Variants in PLPPR1 observed in about 807,000 individuals in gnomAD.
PLPPR1 encodes phospholipid phosphatase-related protein type 1.
In PLPPR1, 10 loss-of-function variants were observed where a neutral mutation model predicts 33.1. That is an observed-to-expected ratio of 0.30 (90% CI 0.19 to 0.51). The LOEUF is 0.51. Ranked by LOEUF, PLPPR1 falls within the 20% of genes least tolerant of loss-of-function variation. The pLI is 0.97. For synonymous variants in PLPPR1, 151 were observed against 151.0 expected (o/e 1.00, Z 0.00); for missense variants, 304 against 408.1 (o/e 0.74, Z 2.20).
rs1225865122 is a variant in PLPPR1, at chr9:101,324,406, C to T, written c.*349C>T. The T allele has an allele frequency of 5.4e-6, 1 of 185,030 alleles. No individual in the cohort carries two copies. The highest frequency in any genetic ancestry group is 1.3e-4 in the East Asian group (1 of 7,644). The allele number at this position is 185,030 out of a possible 1,614,324, so 11.5% of individuals were successfully genotyped here. ...TATAAACACAGAATATAACAATTCA[C>T]TTTAAACTTTTATTACCACAGTTGC... is the stretch of plus-strand genomic sequence containing the variant. On this transcript the variant is annotated 3_prime_UTR_variant, in exon 8 of 8. Coordinates refer to ENST00000374874, the MANE Select transcript of PLPPR1 (RefSeq NM_207299.2).
chr9:101,318,879 A>C (rs1390643727), intron 7 of PLPPR1, among the ~76,000 whole-genome samples: 2 of 152,146 alleles, frequency 1.3e-5, no homozygotes, highest in Non-Finnish European at 2.9e-5. Context: ...GATGAGTAGG[A>C]GTTCTTTAAG....
At chr9:101,241,956 T>C (rs1827478589) in intron 2 of PLPPR1, among the ~76,000 whole-genome samples, 2 of 152,088 alleles carry the variant, frequency 1.3e-5, no homozygotes, top group African/African-American at 4.8e-5. Context: ...TGCACAGAAA[T>C]TTGTGGATCA....
chr9:101,112,261 A>G (rs1171766779), intron 1 of PLPPR1, among the ~76,000 whole-genome samples: 4 of 152,214 alleles, frequency 2.6e-5, no homozygotes, highest in Non-Finnish European at 4.4e-5. Flanking sequence ...GCACATACAT[A>G]TATGTATTTA....
chr9:101,115,455 A>T (rs1831106988), intron 1 of PLPPR1, among the ~76,000 whole-genome samples: 1 of 152,252 alleles, frequency 6.6e-6, no homozygotes, highest in Non-Finnish European at 1.5e-5. Context: ...TAGTCTTATC[A>T]TACTTTTGGG....
chr9:101,261,642 T>C (rs1827900917), intron 2 of PLPPR1, among the ~76,000 whole-genome samples: 3 of 152,126 alleles, frequency 2.0e-5, no homozygotes, highest in Non-Finnish European at 2.9e-5. Context: ...GTGGAACACA[T>C]ACACCATGGA....
intron 2 of PLPPR1, among the ~76,000 whole-genome samples, chr9:101,196,419 A>T (rs1240122854): frequency 6.6e-6 from 1 of 152,236 alleles, no homozygotes; most frequent in African/African-American, 2.4e-5. Context: ...TACAGAAATA[A>T]TCATGAATAT....
rs1214659149 is a variant in PLPPR1 at position 101,291,228 on chromosome 9, G to C, written c.385+4992G>C. ...GATCAAACTGCAAGGTGGCAGCAAG[G>C]CTGGGGGAGGGGCGCCCGCCATTGC... On this transcript the variant is annotated intron_variant, in intron 4 of 7. Transcript: ENST00000374874. 3.3e-5 allele frequency among the ~76,000 whole-genome samples: 5 copies of C among 152,346 alleles called. No individual in the cohort carries two copies. In the South Asian group the frequency reaches 8.3e-4, roughly 25 times the overall value.
chr9:101,274,606 A>AG (rs1323579091), intron 3 of PLPPR1, among the ~76,000 whole-genome samples: 1 of 152,220 alleles, frequency 6.6e-6, no homozygotes, highest in Non-Finnish European at 1.5e-5. Flanking sequence ...GATAATGCTC[A>AG]GGGAAGTTTC....
chr9:101,170,180 G>A (rs1357854233), intron 1 of PLPPR1, among the ~76,000 whole-genome samples: 1 of 152,048 alleles, frequency 6.6e-6, no homozygotes, highest in Non-Finnish European at 1.5e-5. Flanking sequence ...GGCTCATGGA[G>A]CAAAGTTGAC....
At chr9:101,316,439 A>G (rs1429620916) in intron 6 of PLPPR1, among the ~76,000 whole-genome samples, 1 of 151,892 alleles carries the variant, frequency 6.6e-6, no homozygotes, top group Non-Finnish European at 1.5e-5. Flanking sequence ...TCTGTCTCAA[A>G]AAAAAAGAAA....
In PLPPR1 at chr9:101,207,088, ATTATC is replaced by A. The variant is rs1826602025; in HGVS notation, c.63+21535_63+21539del. Among the ~76,000 whole-genome samples, 3 of 152,132 alleles carry A rather than the reference ATTATC, an allele frequency of 2.0e-5. No individual in the cohort carries two copies. The South Asian group carries it at 6.2e-4, about 31-fold the overall frequency. ...CAGATTGTACCTTTTATAATTTATAATTATCTTAATTTTTATTTGCCTACTTTTTT... is the reference window on the plus strand; with the variant it reads ...CAGATTGTACCTTTTATAATTTATAATTAATTTTTATTTGCCTACTTTTTT... On this transcript the variant is annotated intron_variant, in intron 2 of 7. Coordinates refer to ENST00000374874, the MANE Select transcript of PLPPR1 (RefSeq NM_207299.2).
At chr9:101,075,764 G>A (rs758933136) in intron 1 of PLPPR1, among the ~76,000 whole-genome samples, 13 of 152,284 alleles carry the variant, frequency 8.5e-5, no homozygotes, top group East Asian at 7.7e-4. Context: ...TAATGATAGC[G>A]TACCTTCAGA....
rs1266388358 is a variant in PLPPR1 at position 101,203,873 on chromosome 9, C to T, written c.63+18316C>T. Among the ~76,000 whole-genome samples, 5 of 150,870 alleles carry T rather than the reference C, an allele frequency of 3.3e-5. No homozygotes were observed. In the Admixed American group the frequency reaches 3.3e-4, roughly 10 times the overall value. On this transcript the variant is annotated intron_variant, in intron 2 of 7. Coordinates refer to ENST00000374874, the MANE Select transcript of PLPPR1 (RefSeq NM_207299.2). ...TTTTCCTGAAAGCAAATATTCTCTA[C>T]CACTTGGAAATGAGAATGTGTTTTC...
intron 6 of PLPPR1, among the ~76,000 whole-genome samples, chr9:101,314,172 G>A (rs944362522): frequency 1.1e-4 from 17 of 152,144 alleles, no homozygotes; most frequent in Admixed American, 3.3e-4. Context: ...GGAGAAAGAA[G>A]CCATCACAGT....
At chr9:101,239,208 T>C (rs1343096845) in intron 2 of PLPPR1, among the ~76,000 whole-genome samples, 1 of 151,794 alleles carries the variant, frequency 6.6e-6, no homozygotes, top group African/African-American at 2.4e-5. Flanking sequence ...CACTTCCATA[T>C]ACTTCCTTTC....
chr9:101,229,894 G>A (rs949978015), intron 2 of PLPPR1, among the ~76,000 whole-genome samples: 4 of 152,146 alleles, frequency 2.6e-5, no homozygotes, highest in South Asian at 2.1e-4. Flanking sequence ...AGTGGCAAAC[G>A]TGCACTTCCT....
In PLPPR1 at chr9:101,286,123, C is replaced by A; in HGVS notation, c.272C>A (p.Ser91Tyr). The stretch of plus-strand genomic sequence containing the variant: ...CCCTAGATTTTTATTGGTGAGATAT[C>A]CATGTATTTCATAAAATCAACAAGA... ...PTAIIFIGEI[S>Y]MYFIKSTRES... Residue 91 changes from serine to tyrosine, a missense_variant, in exon 4 of 8, where the codon TCC becomes TAC. Transcript: ENST00000374874. The A allele has an allele frequency of 5.0e-6, 8 of 1,612,314 alleles. No individual in the cohort carries two copies. The South Asian group carries it at 7.7e-5, about 16-fold the overall frequency.
At chr9:101,056,107 A>G (rs1830275169) in intron 1 of PLPPR1, among the ~76,000 whole-genome samples, 1 of 152,176 alleles carries the variant, frequency 6.6e-6, no homozygotes, top group South Asian at 2.1e-4. Flanking sequence ...CTGGGGAAGT[A>G]TGTACTATTA....
intron 1 of PLPPR1, among the ~76,000 whole-genome samples, chr9:101,169,721 T>A (rs928951458): frequency 1.3e-5 from 2 of 152,276 alleles, no homozygotes; most frequent in Middle Eastern, 3.4e-3. Context: ...TATATCTTTT[T>A]AAAAAATAAT....
Sources: gnomAD v4.1 joint callset for allele counts (sites outside exome capture counted in the v4.1 genomes callset) on GRCh38, gnomAD v4.1.1 for gene constraint, MANE v1.5 for transcripts, NCBI Gene and HGNC (gene_info 2026-07-23, HGNC 2026-07-21) for gene names.